Variants in MTUS1 observed in about 807,000 individuals in gnomAD.
MTUS1 encodes the protein microtubule-associated tumor suppressor 1.
Under a neutral mutation model 120.8 loss-of-function variants are expected in MTUS1, and 109 were observed. The ratio of observed to expected loss-of-function variants is 0.90; its 90% CI spans 0.77 to 1.06. The LOEUF (loss-of-function observed/expected upper bound fraction) is 1.06, where lower values mean the gene tolerates loss of function less well. MTUS1 is among the 50% of genes least tolerant of loss of function. The pLI, the probability that MTUS1 is intolerant of heterozygous loss-of-function variation, is 0.00. For synonymous variants in MTUS1, 737 were observed against 550.5 expected (o/e 1.34, Z -4.74); for missense variants, 2,210 against 1,486.3 (o/e 1.49, Z -8.01).
At chr8:17,694,690 C>G (rs928587460) in intron 6 of MTUS1, among the ~76,000 whole-genome samples, 1 of 151,894 alleles carries the variant, frequency 6.6e-6, no homozygotes, top group African/African-American at 2.4e-5. Context: ...AAAAAAACAA[C>G]AAAAACCAAA....
chr8:17,678,257 G>T (rs537061324), intron 7 of MTUS1, among the ~76,000 whole-genome samples: 1 of 152,200 alleles, frequency 6.6e-6, no homozygotes, highest in Non-Finnish European at 1.5e-5. Context: ...TTACTCAGCT[G>T]CTCCTAGATC....
chr8:17,674,443 A>C, intron 8 of MTUS1: 1 of 983,328 alleles, frequency 1.0e-6, no homozygotes, highest in South Asian at 4.7e-5. Context: ...AAGAAACAGA[A>C]AAGAGAAAAG....
intron 1 of MTUS1, among the ~76,000 whole-genome samples, chr8:17,774,232 T>G (rs907603025): frequency 6.6e-6 from 1 of 152,172 alleles, no homozygotes; most frequent in Non-Finnish European, 1.5e-5. Flanking sequence ...TAAACCACAA[T>G]GCAGCTACTA....
intron 2 of MTUS1, among the ~76,000 whole-genome samples, chr8:17,749,132 G>C (rs932812780): frequency 6.6e-6 from 1 of 152,068 alleles, no homozygotes; most frequent in African/African-American, 2.4e-5. Context: ...CTCTCCGAAG[G>C]GTTGGAATTC....
Position 17,722,386 on chromosome 8 carries a change from CAA to C in MTUS1, c.2449+1284_2449+1285del, listed in dbSNP as rs909248159. On this transcript the variant is annotated intron_variant, in intron 4 of 14. Transcript: ENST00000693296. ...TTGTCTTTAAAATTGCTTTGCAAGA[CAA>C]AGAGAGCTTAAAATAATACACGTGT... 7 of 983,318 alleles carry C rather than the reference CAA, an allele frequency of 7.1e-6. No individual in the cohort carries two copies. In the African/African-American group the frequency reaches 8.7e-5, roughly 12 times the overall value. The allele number at this position is 983,318 out of a possible 1,614,324, so 60.9% of individuals were successfully genotyped here. A position where few individuals can be genotyped will look rare whatever the true frequency, so the allele number is the denominator to read the frequency against.
intron 1 of MTUS1, among the ~76,000 whole-genome samples, chr8:17,791,348 T>G (rs1169489624): frequency 6.6e-6 from 1 of 152,230 alleles, no homozygotes; most frequent in Non-Finnish European, 1.5e-5. Context: ...ATTGCTTTTA[T>G]ATTTAAATAC....
At chr8:17,742,627 C>T (rs2047427246) in intron 3 of MTUS1, among the ~76,000 whole-genome samples, 1 of 152,120 alleles carries the variant, frequency 6.6e-6, no homozygotes, top group Non-Finnish European at 1.5e-5. Flanking sequence ...CCTCTGTGGT[C>T]ATGTCTCCTT....
At chr8:17,664,337 G>C (rs1168238664) in intron 8 of MTUS1, among the ~76,000 whole-genome samples, 1 of 152,114 alleles carries the variant, frequency 6.6e-6, no homozygotes, top group Non-Finnish European at 1.5e-5. Context: ...CGCCACATAA[G>C]AGAATACCAT....
chr8:17,703,213 C>T (rs986682744), intron 6 of MTUS1, among the ~76,000 whole-genome samples: 2 of 152,054 alleles, frequency 1.3e-5, no homozygotes, highest in East Asian at 1.9e-4. Context: ...AATGGACGTG[C>T]GAGTAGGAGA....
intron 6 of MTUS1, among the ~76,000 whole-genome samples, chr8:17,690,176 G>A (rs2130820715): frequency 6.6e-6 from 1 of 152,080 alleles, no homozygotes; most frequent in Non-Finnish European, 1.5e-5. Flanking sequence ...CAACTAGCAA[G>A]AAAAAATACA....
intron 9 of MTUS1, 62 bp downstream of exon 9, chr8:17,655,801 G>A (rs553945422): frequency 5.9e-4 from 849 of 1,435,972 alleles, no homozygotes; most frequent in Non-Finnish European, 7.7e-4. Context: ...GATGTGAAGA[G>A]CAACCAGGAT....
At chr8:17,778,639 C>T (rs1175489089) in intron 1 of MTUS1, among the ~76,000 whole-genome samples, 1 of 151,978 alleles carries the variant, frequency 6.6e-6, no homozygotes, top group East Asian at 1.9e-4. Flanking sequence ...GAAACCCTGT[C>T]TCTACCAAAA....
chr8:17,659,085 C>T (rs1229146456), intron 8 of MTUS1, among the ~76,000 whole-genome samples: 1 of 152,172 alleles, frequency 6.6e-6, no homozygotes, highest in Admixed American at 6.5e-5. Context: ...GAAACCGCCA[C>T]AGAGAGGCTA....
intron 1 of MTUS1, among the ~76,000 whole-genome samples, chr8:17,790,296 C>T (rs1010419571): frequency 1.3e-5 from 2 of 150,520 alleles, no homozygotes; most frequent in African/African-American, 2.5e-5. Flanking sequence ...TGCCATGAGC[C>T]GAGATGAAGC....
intron 1 of MTUS1, among the ~76,000 whole-genome samples, chr8:17,788,872 G>A (rs1401222445): frequency 1.3e-5 from 2 of 152,140 alleles, no homozygotes; most frequent in African/African-American, 2.4e-5. Context: ...TTTCAGGATA[G>A]TACTGGGTCC....
intron 4 of MTUS1, among the ~76,000 whole-genome samples, chr8:17,718,583 A>G (rs1405390730): frequency 6.6e-6 from 1 of 152,120 alleles, no homozygotes; most frequent in Non-Finnish European, 1.5e-5. Context: ...AGTGTTCTAG[A>G]GAGCCATGGA....
intron 3 of MTUS1, among the ~76,000 whole-genome samples, chr8:17,737,697 G>C (rs931261762): frequency 6.6e-6 from 1 of 152,100 alleles, no homozygotes; most frequent in Non-Finnish European, 1.5e-5. Flanking sequence ...CTGTTGCCCA[G>C]GTGGGTCTCA....
chr8:17,722,284 GTGTC>G (rs2045906509), intron 4 of MTUS1: 1 of 983,662 alleles, frequency 1.0e-6, no homozygotes, highest in Non-Finnish European at 1.2e-6. Flanking sequence ...ACTACAGACT[GTGTC>G]TGCTTCAAGT....
At chr8:17,665,548 AT>A (rs1262038930) in intron 8 of MTUS1, among the ~76,000 whole-genome samples, 1 of 152,052 alleles carries the variant, frequency 6.6e-6, no homozygotes, top group Non-Finnish European at 1.5e-5. Flanking sequence ...TTGAGTAGAT[AT>A]GGGGTTTCAC....
Sources: gnomAD v4.1 joint callset for allele counts (sites outside exome capture counted in the v4.1 genomes callset) on GRCh38, gnomAD v4.1.1 for gene constraint, MANE v1.5 for transcripts, NCBI Gene and HGNC (gene_info 2026-07-23, HGNC 2026-07-21) for gene names.